SLC13A3: variants seen among roughly 807,000 people sequenced by gnomAD.
SLC13A3 encodes the protein Na(+)/dicarboxylate cotransporter 3.
A neutral mutation model predicts 59.0 loss-of-function variants in SLC13A3; 40 were observed. That is an observed-to-expected ratio of 0.68 (90% CI 0.53 to 0.88). The LOEUF (loss-of-function observed/expected upper bound fraction) is 0.88. Among genes scored for constraint, SLC13A3 ranks in the 40% least tolerant of loss-of-function variants. SLC13A3 has a pLI of 0.00. For missense variants in SLC13A3, 699 were observed against 783.2 expected (o/e 0.89, Z 1.28); for synonymous variants, 317 against 330.3 (o/e 0.96, Z 0.44).
intron 3 of SLC13A3, 57 bp from the exon 4 acceptor site, chr20:46,600,094 C>T: frequency 1.5e-6 from 2 of 1,342,544 alleles, no homozygotes; most frequent in Non-Finnish European, 2.0e-6. Flanking sequence ...ACAGGAGTGT[C>T]CCAAATCTTG....
intron 10 of SLC13A3, among the ~76,000 whole-genome samples, chr20:46,568,859 C>G (rs554785042): frequency 1.3e-5 from 2 of 152,352 alleles, no homozygotes; most frequent in South Asian, 2.1e-4. Context: ...TCCTCGCAGC[C>G]ACACAGGCCT....
intron 9 of SLC13A3, among the ~76,000 whole-genome samples, chr20:46,579,855 C>T (rs2062117402): frequency 6.6e-6 from 1 of 152,216 alleles, no homozygotes; most frequent in African/African-American, 2.4e-5. Context: ...TGTTCTCCTG[C>T]ATGGGCACAA....
chr20:46,600,096 C>A, intron 3 of SLC13A3, 59 bp from the exon 4 acceptor site: 1 of 1,321,264 alleles, frequency 7.6e-7, no homozygotes, highest in Non-Finnish European at 1.0e-6. Context: ...AGGAGTGTCC[C>A]AAATCTTGTG....
chr20:46,636,967 ATTTTTGTATT>A (rs900688222), intron 1 of SLC13A3, among the ~76,000 whole-genome samples: 2 of 151,734 alleles, frequency 1.3e-5, no homozygotes, highest in Non-Finnish European at 2.9e-5. Flanking sequence ...CGCCTGGCTA[ATTTTTGTATT>A]TTTAGTAGAG....
At chr20:46,629,318 G>T (rs111767187) in intron 1 of SLC13A3, among the ~76,000 whole-genome samples, 2,376 of 152,176 alleles carry the variant, frequency 0.016, 21 homozygotes, top group Non-Finnish European at 0.023. Context: ...TTTTTGCCTG[G>T]ATATCCATAA....
At position 46,676,411 on chromosome 20, in the gene SLC13A3, C is replaced by CTT. The variant is rs543970617; in HGVS notation, c.-31+7983_-31+7984dup. Among the ~76,000 whole-genome samples the CTT allele has an allele frequency of 2.8e-3, 308 of 108,486 alleles. 3 individuals carry two copies. Among genetic ancestry groups the CTT allele is most frequent in the Admixed American group, 4.6e-3 (50 of 10,756 alleles). The allele number at this position is 108,486 out of a possible 152,430, so 71.2% of individuals were successfully genotyped here. A position where few individuals can be genotyped will look rare whatever the true frequency, so the allele number is the denominator to read the frequency against. Reference sequence around the variant, plus strand: ...ACCAAGGGCAGCCACTCTCTCAACTCTTTTTTTTTTTTTTTTTTTTTTTAG... The same window carrying CTT: ...ACCAAGGGCAGCCACTCTCTCAACTCTTTTTTTTTTTTTTTTTTTTTTTTTAG... On this transcript the variant is annotated intron_variant, in intron 1 of 6. Transcript: ENST00000372121.
intron 1 of SLC13A3, among the ~76,000 whole-genome samples, chr20:46,675,367 C>T (rs1303575821): frequency 6.7e-6 from 1 of 150,056 alleles, no homozygotes; most frequent in African/African-American, 2.5e-5. Context: ...GTAGCTGGGA[C>T]TACAGGCGCA....
At chr20:46,620,964 A>G (rs1315356578) in intron 1 of SLC13A3, among the ~76,000 whole-genome samples, 1 of 152,238 alleles carries the variant, frequency 6.6e-6, no homozygotes, top group Non-Finnish European at 1.5e-5. Flanking sequence ...TGCCAGTACA[A>G]TCCTGAAGAC....
chr20:46,660,927 T>G (rs1452128503), intron 1 of SLC13A3, among the ~76,000 whole-genome samples: 1 of 152,226 alleles, frequency 6.6e-6, no homozygotes. Context: ...TAGATCTAAG[T>G]CTTCATTTCT....
intron 3 of SLC13A3, chr20:46,600,694 T>G (rs946106509): frequency 2.1e-5 from 8 of 378,392 alleles, no homozygotes; most frequent in Non-Finnish European, 4.6e-5. Flanking sequence ...CCAAAAAGTA[T>G]TTATTGAGCA....
chr20:46,658,972 C>T lies in SLC13A3; in HGVS notation c.-31+11071G>A, dbSNP rs995818764. Reference sequence around the variant, plus strand: ...CCACTTTATCTGATATTTAAATAGCCACAATAGTTTTCTTATGCTCAAAGT... The same window carrying T: ...CCACTTTATCTGATATTTAAATAGCTACAATAGTTTTCTTATGCTCAAAGT... On this transcript the variant is annotated intron_variant, in intron 1 of 12. Transcript: ENST00000290317. Among the ~76,000 whole-genome samples, 23 of 152,222 alleles carry T rather than the reference C, an allele frequency of 1.5e-4. No individual in the cohort carries two copies. In the East Asian group the frequency reaches 3.7e-3, roughly 24 times the overall value.
chr20:46,564,754 A>G (rs1008045267), intron 11 of SLC13A3, among the ~76,000 whole-genome samples: 3 of 152,262 alleles, frequency 2.0e-5, no homozygotes, highest in Non-Finnish European at 2.9e-5. Flanking sequence ...GATGTAATCA[A>G]TGAATGCATA....
At chr20:46,589,362 G>A in intron 6 of SLC13A3, 107 bp from the exon 7 acceptor site, 5 of 844,776 alleles carry the variant, frequency 5.9e-6, no homozygotes, top group South Asian at 1.5e-5. Context: ...CTGTCCGGGA[G>A]GCTGCAACTG....
intron 1 of SLC13A3, among the ~76,000 whole-genome samples, chr20:46,635,191 A>G (rs1282820135): frequency 2.0e-5 from 3 of 152,116 alleles, no homozygotes; most frequent in African/African-American, 7.2e-5. Context: ...CGTTATTCCC[A>G]ATGATCTGTA....
intron 6 of SLC13A3, among the ~76,000 whole-genome samples, chr20:46,590,244 A>G (rs2062239844): frequency 6.6e-6 from 1 of 152,322 alleles, no homozygotes; most frequent in East Asian, 1.9e-4. Context: ...AGAAGAAAAC[A>G]TATGATTATT....
chr20:46,647,484 A>G (rs1478784768), intron 1 of SLC13A3, among the ~76,000 whole-genome samples: 2 of 152,142 alleles, frequency 1.3e-5, no homozygotes, highest in African/African-American at 2.4e-5. Flanking sequence ...CAGGATGGCC[A>G]TTCTTGGAAA....
chr20:46,622,973 C>A (rs917787918), intron 1 of SLC13A3, among the ~76,000 whole-genome samples: 1 of 152,092 alleles, frequency 6.6e-6, no homozygotes, highest in Non-Finnish European at 1.5e-5. Flanking sequence ...TCATTAAAAA[C>A]CTCCCCACGA....
At chr20:46,631,412 T>A (rs949754966) in intron 1 of SLC13A3, among the ~76,000 whole-genome samples, 19 of 152,102 alleles carry the variant, frequency 1.2e-4, no homozygotes, top group Non-Finnish European at 2.4e-4. Context: ...ACACAGTGAG[T>A]CAGAGGTAGA....
chr20:46,627,769 C>A (rs573282323), intron 1 of SLC13A3, among the ~76,000 whole-genome samples: 3 of 152,272 alleles, frequency 2.0e-5, no homozygotes, highest in African/African-American at 7.2e-5. Flanking sequence ...CCCACACATA[C>A]GCAATACTGA....
Sources: gnomAD v4.1 joint callset for allele counts (sites outside exome capture counted in the v4.1 genomes callset) on GRCh38, gnomAD v4.1.1 for gene constraint, MANE v1.5 for transcripts, NCBI Gene and HGNC (gene_info 2026-07-23, HGNC 2026-07-21) for gene names.